The following TBC1D10B variants were observed in gnomAD, a reference collection of about 807,000 sequenced individuals.
The protein encoded by TBC1D10B is Rab27A-GAPbeta.
Under a neutral mutation model 78.4 loss-of-function variants are expected in TBC1D10B, and 25 were observed. The ratio of observed to expected loss-of-function variants is 0.32; its 90% CI spans 0.23 to 0.45. TBC1D10B has a LOEUF of 0.45. Among genes scored for constraint, TBC1D10B ranks in the 20% least tolerant of loss-of-function variants. The probability of loss-of-function intolerance (pLI) is 1.00; values close to 1 mark genes in which losing one functional copy is unlikely to be tolerated. For missense variants in TBC1D10B, 996 were observed against 1,104.8 expected (o/e 0.90, Z 1.40); for synonymous variants, 517 against 478.0 (o/e 1.08, Z -1.06).
At position 30,365,030 on chromosome 16, in the gene TBC1D10B, C is replaced by A; in HGVS notation, c.1165-24G>T. 1 of 1,612,982 alleles carries A rather than the reference C, an allele frequency of 6.2e-7. No individual in the cohort carries two copies. The highest frequency in any genetic ancestry group is 8.5e-7 in the Non-Finnish European group (1 of 1,179,272). On this transcript the variant is annotated intron_variant, in intron 3 of 8. Coordinates refer to ENST00000409939, the MANE Select transcript of TBC1D10B (RefSeq NM_015527.4). This position sits in a 1 kb window ranked among gnomAD's most constrained non-coding sequence, Gnocchi z 5.0. Reference sequence around the variant, plus strand: ...TCCTGCAGTGGGACAGTGGGGATTACCTCAGCATCTGGGGGAACTGATACC... The same window carrying A: ...TCCTGCAGTGGGACAGTGGGGATTAACTCAGCATCTGGGGGAACTGATACC...
At chr16:30,363,531 G>A (rs1178774364) in intron 4 of TBC1D10B, among the ~76,000 whole-genome samples, 4 of 152,004 alleles carry the variant, frequency 2.6e-5, no homozygotes, top group African/African-American at 9.7e-5. Context: ...TAAGGCAGGC[G>A]GATCGCTTGA....
intron 1 of TBC1D10B, among the ~76,000 whole-genome samples, chr16:30,368,961 G>A (rs923819282): frequency 2.0e-5 from 3 of 152,296 alleles, no homozygotes; most frequent in African/African-American, 7.2e-5. Context: ...CACGGAAATG[G>A]GGAAGCCACT....
rs2049670033 is a variant in TBC1D10B at position 30,369,736 on chromosome 16, T to C, written c.448A>G (p.Thr150Ala). 1.4e-6 allele frequency: 2 copies of C among 1,464,980 alleles called. No homozygotes were observed. Among genetic ancestry groups the C allele is most frequent in the Admixed American group, 2.7e-5 (1 of 36,866 alleles). The allele number at this position is 1,464,980 out of a possible 1,614,324, so 90.7% of individuals were successfully genotyped here. The change falls in exon 1 of 9, where the codon ACC becomes GCC. Residue 150 changes from threonine (T) to alanine (A), a missense_variant. Transcript: ENST00000409939. The surrounding 1 kb of genome is among the most constrained non-coding windows in gnomAD (Gnocchi z 4.3). ...PSPAPGPGTP[T>A]GTPTRTPSRT... Reference sequence around the variant, plus strand: ...GAAGGGGTCCTGGTAGGGGTCCCGGTGGGGGTCCCTGGTCCTGGGGCGGGT... The same window carrying C: ...GAAGGGGTCCTGGTAGGGGTCCCGGCGGGGGTCCCTGGTCCTGGGGCGGGT...
intron 4 of TBC1D10B, 147 bp downstream of exon 4, chr16:30,364,753 G>T: frequency 1.4e-6 from 1 of 694,084 alleles, no homozygotes; most frequent in Non-Finnish European, 2.4e-6. Flanking sequence ...CTTTGACATG[G>T]CTTGACACTT....
chr16:30,364,712 C>A (rs955961099), intron 4 of TBC1D10B, among the ~76,000 whole-genome samples, 188 bp downstream of exon 4: 1 of 152,070 alleles, frequency 6.6e-6, no homozygotes, highest in Non-Finnish European at 1.5e-5. Context: ...CCACACACAA[C>A]CTGAGTCAAG....
At chr16:30,364,328 C>T (rs1228793845) in intron 4 of TBC1D10B, among the ~76,000 whole-genome samples, 4 of 151,976 alleles carry the variant, frequency 2.6e-5, no homozygotes, top group Non-Finnish European at 4.4e-5. Context: ...ATAATCCCAG[C>T]TACTCAGGAG....
In TBC1D10B at chr16:30,370,278, G is replaced by T; in HGVS notation, c.-95C>A. 3.2e-6 allele frequency: 2 copies of T among 627,736 alleles called. No homozygotes were observed. Among genetic ancestry groups the T allele is most frequent in the South Asian group, 7.1e-5 (1 of 14,124 alleles). 38.9% of individuals were successfully genotyped at this position (627,736 alleles called of 1,614,324 possible). On this transcript the variant is annotated 5_prime_UTR_variant, in exon 1 of 9. Coordinates refer to ENST00000409939, the MANE Select transcript of TBC1D10B (RefSeq NM_015527.4). The stretch of plus-strand genomic sequence containing the variant: ...GCGAGGCCAGCCGAGAAAGGGGAGA[G>T]GGCGAAGGGCGCGGCTCGGCGCGCG...
Position 30,359,850 on chromosome 16 carries a change from G to A in TBC1D10B, c.1272-9C>T, listed in dbSNP as rs561314688. ...GGTACAGGTCCTGTTGCCTGTGGGG[G>A]TTGGGGAAGACTGTGAGGGCAGTCA... is the stretch of plus-strand genomic sequence containing the variant. On this transcript the variant is annotated splice_polypyrimidine_tract_variant and intron_variant, in intron 4 of 8. Coordinates refer to ENST00000409939, the MANE Select transcript of TBC1D10B (RefSeq NM_015527.4). 2 of 1,554,496 alleles carry A rather than the reference G, an allele frequency of 1.3e-6. No homozygotes were observed. The highest frequency in any genetic ancestry group is 2.7e-5 in the African/African-American group (2 of 73,404).
rs2049670809 is a variant in TBC1D10B at position 30,369,802 on chromosome 16, C to T, written c.382G>A (p.Ala128Thr). ...AGVETSRALA[A>T]GADSPKTEEA... ...TCTGTCTTCGGCGAGTCTGCCCCTG[C>T]GGCCAGAGCCCTCGATGTCTCAACT... Residue 128 changes from alanine to threonine, a missense_variant, in exon 1 of 9, where the codon GCA (alanine) becomes ACA (threonine). By Grantham distance (58) the Ala-to-Thr change is moderately conservative. Around this residue, in one of 5 missense-constraint regions of TBC1D10B, gnomAD observed 448 missense variants for 442.1 expected, o/e 1.01. Transcript: ENST00000409939. The surrounding 1 kb of genome is among the most constrained non-coding windows in gnomAD (Gnocchi z 4.3). The T allele has an allele frequency of 7.0e-7, 1 of 1,425,104 alleles. No individual in the cohort carries two copies. Among genetic ancestry groups the T allele is most frequent in the African/African-American group, 1.4e-5 (1 of 69,012 alleles). The allele number at this position is 1,425,104 out of a possible 1,614,324, so 88.3% of individuals were successfully genotyped here.
In TBC1D10B at chr16:30,365,277, C is replaced by T; in HGVS notation, c.1057-65G>A. 1.4e-6 allele frequency: 2 copies of T among 1,466,684 alleles called. No homozygotes were observed. The highest frequency in any genetic ancestry group is 1.9e-6 in the Non-Finnish European group (2 of 1,051,780). 90.9% of individuals were successfully genotyped at this position (1,466,684 alleles called of 1,614,324 possible). Reference sequence around the variant, plus strand: ...GGCACAGCCTCCAACCTTTCCCCAGCAGTCCACAAACTCCCTGGATACTCC... The same window carrying T: ...GGCACAGCCTCCAACCTTTCCCCAGTAGTCCACAAACTCCCTGGATACTCC... On this transcript the variant is annotated intron_variant, in intron 2 of 8. Transcript: ENST00000409939. The surrounding 1 kb of genome is among the most constrained non-coding windows in gnomAD (Gnocchi z 5.0).
intron 4 of TBC1D10B, among the ~76,000 whole-genome samples, chr16:30,363,495 C>G (rs1403437960): frequency 2.6e-5 from 4 of 152,212 alleles, no homozygotes; most frequent in African/African-American, 7.2e-5. Context: ...GTGGCTCACG[C>G]CTGTAATCCC....
chr16:30,360,058 C>T, intron 4 of TBC1D10B: 1 of 546,102 alleles, frequency 1.8e-6, no homozygotes, highest in Non-Finnish European at 3.3e-6. Context: ...CCTGGCCATC[C>T]CAGCACAGGC....
chr16:30,361,580 T>C (rs2049598853), intron 4 of TBC1D10B, among the ~76,000 whole-genome samples: 1 of 151,748 alleles, frequency 6.6e-6, no homozygotes, highest in African/African-American at 2.4e-5. Flanking sequence ...TAATTTTGTA[T>C]TTTTAGTAGA....
chr16:30,359,627 G>C, intron 5 of TBC1D10B, 24 bp from the exon 6 acceptor site: 1 of 1,557,384 alleles, frequency 6.4e-7, no homozygotes, highest in Admixed American at 1.9e-5. Flanking sequence ...GAACAAGGAG[G>C]AGGGGTGGGG....
chr16:30,358,721 A>G lies in TBC1D10B; in HGVS notation c.1739T>C (p.Met580Thr), dbSNP rs1310035961. ...LRSCQGMYET[M>T]EQLRNLPQQC... Reference sequence around the variant, plus strand: ...CTGGGGCAGGTTACGCAGCTGCTCCATGGTCTCATACATGCCTTGGCAGGA... The same window carrying G: ...CTGGGGCAGGTTACGCAGCTGCTCCGTGGTCTCATACATGCCTTGGCAGGA... The change falls in exon 8 of 9, where the codon ATG becomes ACG. Residue 580 changes from methionine to threonine, a missense_variant. Coordinates refer to ENST00000409939, the MANE Select transcript of TBC1D10B (RefSeq NM_015527.4). 6.2e-7 allele frequency: 1 copy of G among 1,611,008 alleles called. No homozygotes were observed. Among genetic ancestry groups the G allele is most frequent in the Non-Finnish European group, 8.5e-7 (1 of 1,178,566 alleles).
rs1299170015 is a variant in TBC1D10B, at chr16:30,369,573, G to C, written c.611C>G (p.Ala204Gly). Residue 204 changes from alanine (A) to glycine (G), a missense_variant, in exon 1 of 9, where the codon GCA becomes GGA. This residue lies in a region of TBC1D10B where 448 missense variants were observed against 442.1 expected (regional missense o/e 1.01). Coordinates refer to ENST00000409939, the MANE Select transcript of TBC1D10B (RefSeq NM_015527.4). This position sits in a 1 kb window ranked among gnomAD's most constrained non-coding sequence, Gnocchi z 4.3. ...GTCCTCAGGAGCCTGTCCTGCTGATGCTGATGTTGCTGCGGCAGCTCCATG... is the reference window on the plus strand; with the variant it reads ...GTCCTCAGGAGCCTGTCCTGCTGATCCTGATGTTGCTGCGGCAGCTCCATG... ...GGHGAAAATS[A>G]SAGQAPEDPS... 7.2e-6 allele frequency: 11 copies of C among 1,533,036 alleles called. No individual in the cohort carries two copies. In the Admixed American group the frequency reaches 2.1e-4, roughly 29 times the overall value. The allele number at this position is 1,533,036 out of a possible 1,614,324, so 95.0% of individuals were successfully genotyped here.
rs1294697414 is a variant in TBC1D10B, at chr16:30,365,045, G to A, written c.1165-39C>T. 1 of 1,612,226 alleles carries A rather than the reference G, an allele frequency of 6.2e-7. No homozygotes were observed. Among genetic ancestry groups the A allele is most frequent in the South Asian group, 1.1e-5 (1 of 91,014 alleles). On this transcript the variant is annotated intron_variant, in intron 3 of 8. Coordinates refer to ENST00000409939, the MANE Select transcript of TBC1D10B (RefSeq NM_015527.4). This position sits in a 1 kb window ranked among gnomAD's most constrained non-coding sequence, Gnocchi z 5.0. Reference sequence around the variant, plus strand: ...GTGGGGATTACCTCAGCATCTGGGGGAACTGATACCCCTTGCACAGACAGG... The same window carrying A: ...GTGGGGATTACCTCAGCATCTGGGGAAACTGATACCCCTTGCACAGACAGG...
At position 30,370,120 on chromosome 16, in the gene TBC1D10B, A is replaced by T. The variant is rs1249404249; in HGVS notation, c.64T>A (p.Ser22Thr). 42 of 1,213,604 alleles carry T rather than the reference A, an allele frequency of 3.5e-5. No individual in the cohort carries two copies. The highest frequency in any genetic ancestry group is 4.4e-5 in the Admixed American group (1 of 22,942). 75.2% of individuals were successfully genotyped at this position (1,213,604 alleles called of 1,614,324 possible). A position where few individuals can be genotyped will look rare whatever the true frequency, so the allele number is the denominator to read the frequency against. ...PRRHGAPAAP[S>T]PPPRGSRAGP... Reference sequence around the variant, plus strand: ...GCCCGGGAACCCCGGGGCGGCGGCGAGGGGGCCGCGGGGGCGCCATGACGG... The same window carrying T: ...GCCCGGGAACCCCGGGGCGGCGGCGTGGGGGCCGCGGGGGCGCCATGACGG... The change falls in exon 1 of 9, where the codon TCG becomes ACG. Residue 22 changes from serine to threonine, a missense_variant. By Grantham distance (58) the Ser-to-Thr change is moderately conservative. This residue lies in a region of TBC1D10B where 448 missense variants were observed against 442.1 expected (regional missense o/e 1.01). Transcript: ENST00000409939.
chr16:30,367,263 G>A (rs1171288613), intron 1 of TBC1D10B: 1 of 152,164 alleles, frequency 6.6e-6, no homozygotes, highest in African/African-American at 2.4e-5. Context: ...GTTATGAGAA[G>A]ACTATTGAGA....
Sources: allele counts gnomAD v4.1 joint callset (sites outside exome capture counted in the v4.1 genomes callset), GRCh38; gene constraint gnomAD v4.1.1; regional missense constraint gnomAD v4.1.1; non-coding constraint Gnocchi (gnomAD v3.1); transcripts MANE v1.5; gene names NCBI Gene and HGNC (gene_info 2026-07-23, HGNC 2026-07-21).